The following RPS24 variants were observed in gnomAD, a reference collection of about 807,000 sequenced individuals.
RPS24 encodes small ribosomal subunit protein eS24.
For missense variants in RPS24, 100 were observed against 162.5 expected, an observed-to-expected ratio of 0.62 and a Z score of 2.09; for synonymous variants, 72 against 55.6, an observed-to-expected ratio of 1.30 and a Z score of -1.31.
At chr10:78,044,049 T>C (rs1848016410), downstream of RPS24, among the ~76,000 whole-genome samples, 1 of 152,194 alleles carries the variant, frequency 6.6e-6, no homozygotes, top group Admixed American at 6.5e-5. Context: ...TGCAGCCTAC[T>C]ACAGTATAAT....
chr10:78,054,762 G>A (rs1273093723), exon 5 of RPS24: 3 of 1,551,692 alleles, frequency 1.9e-6, no homozygotes, highest in Non-Finnish European at 2.6e-6. Context: ...GTGCTGCCAG[G>A]CGTGCCTTTT....
At chr10:78,040,856 AGGTG>A (rs769528719), downstream of RPS24, 13 of 612,022 alleles carry the variant, frequency 2.1e-5, no homozygotes, top group Non-Finnish European at 3.7e-5. Context: ...TTTATAGCTT[AGGTG>A]GGTTCATCTG....
At chr10:78,044,591 A>G (rs1215317903), downstream of RPS24, among the ~76,000 whole-genome samples, 1 of 151,870 alleles carries the variant, frequency 6.6e-6, no homozygotes, top group Non-Finnish European at 1.5e-5. Flanking sequence ...ACACACCTCC[A>G]TACATTAATC....
chr10:78,055,599 T>C (rs1283106992), exon 5 of RPS24: 3 of 152,364 alleles, frequency 2.0e-5, no homozygotes, highest in Admixed American at 2.0e-4. Flanking sequence ...TTAGAAGCTC[T>C]TCCTCTGCTG....
intron 4 of RPS24, chr10:78,039,949 C>T (rs1589330528): frequency 3.5e-6 from 2 of 565,622 alleles, no homozygotes; most frequent in East Asian, 3.3e-5. Flanking sequence ...ATGATCTCTT[C>T]ATTGTGAAGT....
downstream of RPS24, among the ~76,000 whole-genome samples, chr10:78,043,632 T>C (rs73300620): frequency 6.8e-3 from 1,040 of 152,344 alleles, 7 homozygotes; most frequent in African/African-American, 0.024. Flanking sequence ...ATAAAGAAGC[T>C]GTTCTGTCTT....
rs907050534 is a variant in RPS24 at position 78,048,685 on chromosome 10, G to T, written c.391-5846G>T. 6.6e-5 allele frequency among the ~76,000 whole-genome samples: 10 copies of T among 152,060 alleles called. No individual in the cohort carries two copies. The East Asian group carries it at 1.9e-3, about 29-fold the overall frequency. On this transcript the variant is annotated intron_variant, in intron 4 of 4. Transcript: ENST00000440692. Reference sequence around the variant, plus strand: ...AGGTCAGGAGTTCGAGACCAGCTTGGTCAATATGGTGAAACCCCGTCTCTA... The same window carrying T: ...AGGTCAGGAGTTCGAGACCAGCTTGTTCAATATGGTGAAACCCCGTCTCTA...
At chr10:78,050,307 G>A (rs1452331827) in intron 4 of RPS24, among the ~76,000 whole-genome samples, 1 of 152,138 alleles carries the variant, frequency 6.6e-6, no homozygotes, top group African/African-American at 2.4e-5. Context: ...GGGACAAGAT[G>A]CTGACTGGTC....
In RPS24 at chr10:78,037,285, A is replaced by T; in HGVS notation, c.371A>T (p.Asn124Ile). The change falls in exon 4 of 6, where the codon AAT becomes ATT. Residue 124 changes from asparagine (N) to isoleucine (I), a missense_variant. Physicochemically the swap from Asn to Ile is moderately radical, Grantham distance 149. Transcript: ENST00000372360. ...MKKVRGTAKA[N>I]VGAGKK The stretch of plus-strand genomic sequence containing the variant: ...AAAGTCAGGGGGACTGCAAAGGCCA[A>T]TGTTGGTGCTGGCAAAAAGGTATAG... 5.0e-6 allele frequency: 8 copies of T among 1,604,410 alleles called. No homozygotes were observed. The highest frequency in any genetic ancestry group is 6.8e-6 in the Non-Finnish European group (8 of 1,175,156).
In RPS24 at chr10:78,046,346, C is replaced by CTT. The variant is rs57003851; in HGVS notation, c.391-8167_391-8166dup. Among the ~76,000 whole-genome samples the CTT allele has an allele frequency of 4.5e-4, 57 of 126,124 alleles. 2 individuals are homozygous for CTT. The highest frequency in any genetic ancestry group is 7.5e-4 in the African/African-American group (22 of 29,392). 82.7% of individuals were successfully genotyped at this position (126,124 alleles called of 152,430 possible). A position where few individuals can be genotyped will look rare whatever the true frequency, so the allele number is the denominator to read the frequency against. On this transcript the variant is annotated intron_variant, in intron 4 of 4. Transcript: ENST00000440692. ...GTCTTGCACAAATTATCTCATTTAC[C>CTT]TTTTTTTTTTTTTTTTTTTGAGAAT...
chr10:78,053,915 G>A (rs1848125870), intron 4 of RPS24, among the ~76,000 whole-genome samples: 1 of 152,154 alleles, frequency 6.6e-6, no homozygotes, highest in Non-Finnish European at 1.5e-5. Flanking sequence ...GAACCAATTT[G>A]CAGAGCTGGA....
intron 1 of RPS24, 51 bp downstream of exon 1, chr10:78,033,955 G>A (rs762479109): frequency 2.5e-6 from 4 of 1,611,294 alleles, no homozygotes; most frequent in African/African-American, 1.3e-5. Context: ...CGAGCCATCC[G>A]TGGTCCCTGG....
downstream of RPS24, among the ~76,000 whole-genome samples, chr10:78,043,100 T>G (rs2131987624): frequency 6.6e-6 from 1 of 152,194 alleles, no homozygotes; most frequent in East Asian, 1.9e-4. Context: ...GCCTCACGGG[T>G]TCACGCCATT....
At chr10:78,040,142 A>G (rs1847961202) in intron 4 of RPS24, 62 bp from the exon 5 acceptor site, 3 of 1,499,478 alleles carry the variant, frequency 2.0e-6, no homozygotes, top group Non-Finnish European at 2.8e-6. Flanking sequence ...TTGAAAAGGG[A>G]CTATTAATGA....
At chr10:78,043,909 A>C (rs532055518), downstream of RPS24, among the ~76,000 whole-genome samples, 6 of 152,306 alleles carry the variant, frequency 3.9e-5, no homozygotes, top group African/African-American at 1.2e-4. Flanking sequence ...TTGAAGTGTC[A>C]TCAGAAGGTC....
intron 4 of RPS24, among the ~76,000 whole-genome samples, chr10:78,052,880 A>G (rs1340976291): frequency 6.6e-6 from 1 of 152,170 alleles, no homozygotes; most frequent in Non-Finnish European, 1.5e-5. Flanking sequence ...AGCCGGGCGC[A>G]GTGGCTCATG....
intron 4 of RPS24, among the ~76,000 whole-genome samples, chr10:78,052,361 C>T (rs1848107872): frequency 6.6e-6 from 1 of 152,136 alleles, no homozygotes; most frequent in East Asian, 1.9e-4. Context: ...AAACTGCTGT[C>T]AGGGTTCCCG....
intron 4 of RPS24, among the ~76,000 whole-genome samples, chr10:78,047,695 C>T (rs998068692): frequency 2.0e-5 from 3 of 152,188 alleles, no homozygotes; most frequent in African/African-American, 7.2e-5. Context: ...TCTACCCATC[C>T]GTGCTGCGAG....
At chr10:78,047,725 A>C (rs1262667043) in intron 4 of RPS24, among the ~76,000 whole-genome samples, 1 of 152,194 alleles carries the variant, frequency 6.6e-6, no homozygotes, top group African/African-American at 2.4e-5. Context: ...GATCCTGTGC[A>C]AACAGCATTC....
Sources: gnomAD v4.1 joint callset for allele counts (sites outside exome capture counted in the v4.1 genomes callset) on GRCh38, gnomAD v4.1.1 for gene constraint, MANE v1.5 for transcripts, NCBI Gene and HGNC (gene_info 2026-07-23, HGNC 2026-07-21) for gene names.